THSD4: variants seen among roughly 807,000 people sequenced by gnomAD.
THSD4 encodes the protein thrombospondin type-1 domain-containing protein 4.
A neutral mutation model predicts 119.0 loss-of-function variants in THSD4; 69 were observed. The ratio of observed to expected loss-of-function variants is 0.58; its 90% CI spans 0.48 to 0.71. THSD4 has a LOEUF of 0.71. Ranked by LOEUF, THSD4 falls within the 30% of genes least tolerant of loss-of-function variation. The pLI, the probability that THSD4 is intolerant of heterozygous loss-of-function variation, is 0.00. For missense variants in THSD4, 1,393 were observed against 1,391.1 expected (o/e 1.00, Z -0.02); for synonymous variants, 524 against 540.4 (o/e 0.97, Z 0.42).
At chr15:71,227,575 G>T (rs2044028380) in intron 4 of THSD4, among the ~76,000 whole-genome samples, 1 of 152,182 alleles carries the variant, frequency 6.6e-6, no homozygotes, top group African/African-American at 2.4e-5. Context: ...ATTTTTGCAG[G>T]ACCTACTATG....
intron 7 of THSD4, among the ~76,000 whole-genome samples, chr15:71,458,979 C>G (rs1595787865): frequency 6.6e-6 from 1 of 152,172 alleles, no homozygotes; most frequent in East Asian, 1.9e-4. Flanking sequence ...GCTAGATGCT[C>G]AGATGGAACT....
chr15:71,580,305 C>T (rs1190046510), intron 7 of THSD4, among the ~76,000 whole-genome samples: 1 of 152,088 alleles, frequency 6.6e-6, no homozygotes, highest in Non-Finnish European at 1.5e-5. Context: ...GACTCTAAGG[C>T]GGTTAGGCTC....
intron 8 of THSD4, among the ~76,000 whole-genome samples, chr15:71,661,115 C>G (rs898867792): frequency 6.6e-6 from 1 of 152,156 alleles, no homozygotes; most frequent in African/African-American, 2.4e-5. Flanking sequence ...ACAATTGATC[C>G]TATCTATACC....
In THSD4 at chr15:71,724,283, A is replaced by AT. The variant is rs1281178739; in HGVS notation, c.1358-4265dup. ...TATGATGGGATATATATATATATAT[A>AT]TATATTTTTTTTTTCCCCCCAAGAT... On this transcript the variant is annotated intron_variant, in intron 8 of 17. Coordinates refer to ENST00000261862, the MANE Select transcript of THSD4 (RefSeq NM_024817.3). Among the ~76,000 whole-genome samples the AT allele has an allele frequency of 3.6e-4, 10 of 27,864 alleles. No individual in the cohort carries two copies. In the East Asian group the frequency reaches 0.011, roughly 31 times the overall value. The allele number at this position is 27,864 out of a possible 152,430, so 18.3% of individuals were successfully genotyped here. A position where few individuals can be genotyped will look rare whatever the true frequency, so the allele number is the denominator to read the frequency against.
At chr15:71,653,499 C>T (rs550567214) in intron 7 of THSD4, among the ~76,000 whole-genome samples, 1 of 152,330 alleles carries the variant, frequency 6.6e-6, no homozygotes, top group Admixed American at 6.5e-5. Context: ...ATGCTCCTGG[C>T]ATCTGGTGGG....
At chr15:71,274,624 T>A (rs531935869) in intron 6 of THSD4, among the ~76,000 whole-genome samples, 2 of 152,126 alleles carry the variant, frequency 1.3e-5, no homozygotes, top group Non-Finnish European at 1.5e-5. Flanking sequence ...ACAGGCCTCC[T>A]TCTCACACCC....
At chr15:71,277,218 C>A (rs566358058) in intron 6 of THSD4, among the ~76,000 whole-genome samples, 2 of 150,610 alleles carry the variant, frequency 1.3e-5, no homozygotes, top group African/African-American at 4.9e-5. Flanking sequence ...CTCTGCCTCC[C>A]GGGTTCAAGT....
chr15:71,381,987 A>T (rs2046234782), intron 6 of THSD4, among the ~76,000 whole-genome samples: 1 of 152,142 alleles, frequency 6.6e-6, no homozygotes, highest in Non-Finnish European at 1.5e-5. Flanking sequence ...TTAATTCAAG[A>T]TCAAAAAGAA....
At chr15:71,248,952 T>G (rs1334870973) in intron 5 of THSD4, among the ~76,000 whole-genome samples, 1 of 152,014 alleles carries the variant, frequency 6.6e-6, no homozygotes, top group Non-Finnish European at 1.5e-5. Flanking sequence ...AGAATGGGGG[T>G]TTCAACACTA....
At chr15:71,428,074 A>G (rs1335259696) in intron 7 of THSD4, among the ~76,000 whole-genome samples, 5 of 152,122 alleles carry the variant, frequency 3.3e-5, no homozygotes, top group Admixed American at 6.5e-5. Flanking sequence ...GTAACTGAGA[A>G]ATGAGGGGAA....
chr15:71,711,029 A>G (rs1485549127), intron 8 of THSD4, among the ~76,000 whole-genome samples: 1 of 151,536 alleles, frequency 6.6e-6, no homozygotes, highest in Admixed American at 6.6e-5. Context: ...CCAAAGTCAT[A>G]TCCTCTTAAG....
rs553871490 is a variant in THSD4, at chr15:71,749,968, G to A, written c.2415+1374G>A. On this transcript the variant is annotated intron_variant, in intron 14 of 17. Coordinates refer to ENST00000261862, the MANE Select transcript of THSD4 (RefSeq NM_024817.3). Reference sequence around the variant, plus strand: ...TGGTCTCAAACTCCTGGGCTCAAGTGATCTGCCACCTCGGCCTCCCGAAGC... The same window carrying A: ...TGGTCTCAAACTCCTGGGCTCAAGTAATCTGCCACCTCGGCCTCCCGAAGC... 4.3e-4 allele frequency among the ~76,000 whole-genome samples: 66 copies of A among 152,202 alleles called. 1 individual carries two copies. The highest frequency in any genetic ancestry group is 5.3e-4 in the Non-Finnish European group (36 of 68,016).
At chr15:71,315,493 C>T (rs771940989) in intron 6 of THSD4, among the ~76,000 whole-genome samples, 7 of 152,332 alleles carry the variant, frequency 4.6e-5, no homozygotes, top group African/African-American at 1.2e-4. Context: ...GGGCACACAG[C>T]GGGTGGTCTT....
chr15:71,504,873 G>A (rs2048165575), intron 7 of THSD4, among the ~76,000 whole-genome samples: 1 of 152,154 alleles, frequency 6.6e-6, no homozygotes, highest in Admixed American at 6.5e-5. Flanking sequence ...TAGTCATCAT[G>A]TCTCCTTAGT....
At chr15:71,658,065 G>A (rs528473409) in intron 7 of THSD4, among the ~76,000 whole-genome samples, 19 of 152,268 alleles carry the variant, frequency 1.2e-4, no homozygotes, top group Middle Eastern at 6.8e-3. Context: ...TTACAGGAGA[G>A]GGACTCACTG....
At chr15:71,485,761 C>G (rs2047806302) in intron 7 of THSD4, among the ~76,000 whole-genome samples, 1 of 151,954 alleles carries the variant, frequency 6.6e-6, no homozygotes, top group Non-Finnish European at 1.5e-5. Context: ...CAAATATTTA[C>G]TGGTAAATAT....
At chr15:71,329,951 G>A (rs1363828914) in intron 6 of THSD4, among the ~76,000 whole-genome samples, 5 of 152,104 alleles carry the variant, frequency 3.3e-5, no homozygotes, top group African/African-American at 1.2e-4. Context: ...ATAGTGGCAC[G>A]TGCCTGTGGT....
chr15:71,567,604 A>ACCC lies in THSD4; in HGVS notation c.1153-92925_1153-92924insCCC, dbSNP rs1567040867. Among the ~76,000 whole-genome samples the ACCC allele has an allele frequency of 1.5e-3, 183 of 118,382 alleles. 4 individuals are homozygous for ACCC. Among genetic ancestry groups the ACCC allele is most frequent in the African/African-American group, 5.0e-3 (175 of 34,886 alleles). 77.7% of individuals were successfully genotyped at this position (118,382 alleles called of 152,430 possible). ...TGGACAAGAACAAAGACACCCCCCC[A>ACCC]CACACACACACACACACATGAAAGA... is the stretch of plus-strand genomic sequence containing the variant. On this transcript the variant is annotated intron_variant, in intron 7 of 17. Coordinates refer to ENST00000261862, the MANE Select transcript of THSD4 (RefSeq NM_024817.3).
chr15:71,225,455 T>C (rs899481618), intron 4 of THSD4, among the ~76,000 whole-genome samples: 2 of 152,096 alleles, frequency 1.3e-5, no homozygotes, highest in Non-Finnish European at 2.9e-5. Flanking sequence ...CTGTTTTAAA[T>C]GTTCCTGTCA....
Sources: allele counts gnomAD v4.1 joint callset (sites outside exome capture counted in the v4.1 genomes callset), GRCh38; gene constraint gnomAD v4.1.1; transcripts MANE v1.5; gene names NCBI Gene and HGNC (gene_info 2026-07-23, HGNC 2026-07-21).